Variants in CACNA2D1 observed in about 807,000 individuals in gnomAD.
CACNA2D1 encodes the protein calcium voltage-gated channel auxiliary subunit alpha2delta 1, also known as voltage-dependent calcium channel subunit alpha-2/delta-1.
A neutral mutation model predicts 171.5 loss-of-function variants in CACNA2D1; 53 were observed. The observed-to-expected ratio is 0.31, with a 90% CI of 0.25 to 0.39. The LOEUF (loss-of-function observed/expected upper bound fraction) is 0.39. Among genes scored for constraint, CACNA2D1 ranks in the 10% least tolerant of loss-of-function variants. The pLI is 1.00. For missense variants in CACNA2D1, 903 were observed against 1,299.8 expected (o/e 0.69, Z 4.69); for synonymous variants, 442 against 443.1 (o/e 1.00, Z 0.03).
intron 8 of CACNA2D1, among the ~76,000 whole-genome samples, chr7:82,066,228 G>A (rs560122068): frequency 6.6e-6 from 1 of 152,104 alleles, no homozygotes; most frequent in South Asian, 2.1e-4. Flanking sequence ...ACTTAAAGTA[G>A]TCCATTTGAA....
chr7:82,013,426 A>G, intron 14 of CACNA2D1, 35 bp downstream of exon 14: 1 of 958,762 alleles, frequency 1.0e-6, no homozygotes, highest in Non-Finnish European at 1.5e-6. Flanking sequence ...TTTTACTTGA[A>G]AAAAATAATT....
intron 26 of CACNA2D1, among the ~76,000 whole-genome samples, chr7:81,971,527 ATGCC>A (rs879822263): frequency 6.6e-5 from 10 of 151,658 alleles, no homozygotes; most frequent in Non-Finnish European, 1.0e-4. Context: ...ACACACAATC[ATGCC>A]CATTTAATTT....
intron 3 of CACNA2D1, among the ~76,000 whole-genome samples, chr7:82,233,675 CTT>C (rs1180532116): frequency 6.6e-6 from 1 of 151,306 alleles, no homozygotes; most frequent in East Asian, 1.9e-4. Context: ...TATACAGGAC[CTT>C]TTTTTTTCCC....
At chr7:82,423,204 GAT>G (rs982152736) in intron 1 of CACNA2D1, among the ~76,000 whole-genome samples, 1 of 151,318 alleles carries the variant, frequency 6.6e-6, no homozygotes, top group Non-Finnish European at 1.5e-5. Flanking sequence ...ATTTTAAACA[GAT>G]ATATATATAT....
chr7:82,100,096 A>T (rs1318968281), intron 6 of CACNA2D1, among the ~76,000 whole-genome samples: 1 of 152,100 alleles, frequency 6.6e-6, no homozygotes, highest in Non-Finnish European at 1.5e-5. Flanking sequence ...AAAGGAAAAA[A>T]AAATTTAGTT....
At chr7:82,102,340 A>G (rs1812773749) in intron 6 of CACNA2D1, among the ~76,000 whole-genome samples, 1 of 152,156 alleles carries the variant, frequency 6.6e-6, no homozygotes, top group Non-Finnish European at 1.5e-5. Flanking sequence ...AGCCAGATTT[A>G]AATCAATTCA....
intron 5 of CACNA2D1, among the ~76,000 whole-genome samples, chr7:82,119,721 C>T (rs987957866): frequency 6.6e-6 from 1 of 152,170 alleles, no homozygotes. Flanking sequence ...AACTGATAAA[C>T]TTTGCTTGCA....
chr7:82,300,028 C>T (rs575994695), intron 3 of CACNA2D1, among the ~76,000 whole-genome samples: 14 of 152,190 alleles, frequency 9.2e-5, no homozygotes, highest in African/African-American at 2.2e-4. Context: ...GAATCATGAC[C>T]GATCTGTGAT....
At chr7:82,313,611 C>T (rs1336030858) in intron 3 of CACNA2D1, among the ~76,000 whole-genome samples, 1 of 152,186 alleles carries the variant, frequency 6.6e-6, no homozygotes, top group African/African-American at 2.4e-5. Flanking sequence ...CCTTCCATAA[C>T]CTCAACATGG....
intron 3 of CACNA2D1, among the ~76,000 whole-genome samples, chr7:82,253,634 A>T (rs945491579): frequency 1.3e-5 from 2 of 152,238 alleles, no homozygotes; most frequent in African/African-American, 4.8e-5. Flanking sequence ...AATGTTAATG[A>T]TCTTTCATGT....
chr7:82,431,582 C>G (rs1214376657), intron 1 of CACNA2D1, among the ~76,000 whole-genome samples: 1 of 152,144 alleles, frequency 6.6e-6, no homozygotes, highest in Non-Finnish European at 1.5e-5. Context: ...CAGCAAAGTT[C>G]AGCAGGTAAG....
chr7:82,428,509 A>T (rs1829396952), intron 1 of CACNA2D1, among the ~76,000 whole-genome samples: 1 of 152,244 alleles, frequency 6.6e-6, no homozygotes. Flanking sequence ...GAAAAGCATA[A>T]GAGAAAACAG....
intron 1 of CACNA2D1, among the ~76,000 whole-genome samples, chr7:82,385,601 A>G (rs1328786827): frequency 6.6e-6 from 1 of 151,390 alleles, no homozygotes; most frequent in African/African-American, 2.5e-5. Context: ...GCCAGATACC[A>G]CTTACACTAG....
At chr7:81,972,673 C>G (rs1040432430) in intron 25 of CACNA2D1, among the ~76,000 whole-genome samples, 1 of 151,916 alleles carries the variant, frequency 6.6e-6, no homozygotes, top group Non-Finnish European at 1.5e-5. Flanking sequence ...CCTCTGCCTT[C>G]TTCCCATTCT....
At chr7:82,389,165 T>TATATAC (rs1554537406) in intron 1 of CACNA2D1, among the ~76,000 whole-genome samples, 105 of 146,492 alleles carry the variant, frequency 7.2e-4, no homozygotes, top group African/African-American at 2.5e-3. Context: ...TATATATATA[T>TATATAC]ACACACACAC....
At chr7:82,231,518 A>G (rs1233573680) in intron 3 of CACNA2D1, among the ~76,000 whole-genome samples, 1 of 152,240 alleles carries the variant, frequency 6.6e-6, no homozygotes, top group East Asian at 1.9e-4. Context: ...TTTTGAGGGG[A>G]CCAAACACAT....
At chr7:82,059,190 T>C (rs1349746630) in intron 10 of CACNA2D1, among the ~76,000 whole-genome samples, 2 of 152,108 alleles carry the variant, frequency 1.3e-5, no homozygotes, top group Non-Finnish European at 2.9e-5. Flanking sequence ...CGTCTTCACA[T>C]CTCTATGAAT....
At chr7:82,088,219 T>A (rs1810715158) in intron 6 of CACNA2D1, among the ~76,000 whole-genome samples, 1 of 152,184 alleles carries the variant, frequency 6.6e-6, no homozygotes, top group Non-Finnish European at 1.5e-5. Flanking sequence ...GTTATGCTGG[T>A]GCCTTTCTCT....
At chr7:82,166,624 T>C (rs774751809) in intron 4 of CACNA2D1, among the ~76,000 whole-genome samples, 1 of 152,084 alleles carries the variant, frequency 6.6e-6, no homozygotes, top group Non-Finnish European at 1.5e-5. Context: ...AACAATTAGC[T>C]TTCCAAGCTC....
Sources: gnomAD v4.1 joint callset for allele counts (sites outside exome capture counted in the v4.1 genomes callset) on GRCh38, gnomAD v4.1.1 for gene constraint, MANE v1.5 for transcripts, NCBI Gene and HGNC (gene_info 2026-07-23, HGNC 2026-07-21) for gene names.